LAMA2: variants seen among roughly 807,000 people sequenced by gnomAD.
LAMA2 encodes the protein laminin subunit alpha-2.
In LAMA2, 269 loss-of-function variants were observed where a neutral mutation model predicts 364.8. The observed-to-expected ratio is 0.74, with a 90% CI of 0.67 to 0.82. The LOEUF is 0.82. LAMA2 is among the 40% of genes least tolerant of loss of function. The pLI, the probability that LAMA2 is intolerant of heterozygous loss-of-function variation, is 0.00. For synonymous variants in LAMA2, 1,379 were observed against 1,370.6 expected, an observed-to-expected ratio of 1.01 and a Z score of -0.14; for missense variants, 3,807 against 3,873.2, an observed-to-expected ratio of 0.98 and a Z score of 0.45.
chr6:129,063,124 G>A lies in LAMA2; in HGVS notation c.396+3228G>A, dbSNP rs191625713. On this transcript the variant is annotated intron_variant, in intron 3 of 64. Transcript: ENST00000421865. The stretch of plus-strand genomic sequence containing the variant: ...CTGTGCCTCAACTTCTAGATTAGCA[G>A]ACTAAATATTACAATATCTTGGCAA... Among the ~76,000 whole-genome samples the A allele has an allele frequency of 3.3e-5, 5 of 152,054 alleles. No individual in the cohort carries two copies. The East Asian group carries it at 9.7e-4, about 29-fold the overall frequency.
intron 3 of LAMA2, among the ~76,000 whole-genome samples, chr6:129,066,918 C>A (rs918891446): frequency 6.6e-6 from 1 of 152,142 alleles, no homozygotes; most frequent in Non-Finnish European, 1.5e-5. Context: ...TATAAAAAAT[C>A]CATTCAAATT....
At chr6:129,441,609 A>G (rs767048826) in intron 43 of LAMA2, among the ~76,000 whole-genome samples, 4 of 152,134 alleles carry the variant, frequency 2.6e-5, no homozygotes, top group Admixed American at 2.0e-4. Context: ...AAAATATCAT[A>G]ACTTATATTA....
chr6:129,409,533 G>A (rs4406257), intron 40 of LAMA2, among the ~76,000 whole-genome samples: 76,261 of 152,030 alleles, frequency 0.5, 19,626 homozygotes, highest in African/African-American at 0.62. Flanking sequence ...ATGAAAGGCA[G>A]TTTAGGTTGC....
At chr6:128,955,886 T>C (rs1180979692) in intron 1 of LAMA2, among the ~76,000 whole-genome samples, 1 of 151,926 alleles carries the variant, frequency 6.6e-6, no homozygotes, top group Non-Finnish European at 1.5e-5. Context: ...GGGGTGTAGG[T>C]AGGGTGGTTG....
At chr6:129,076,503 A>ATATCTTATATATATTATATATATATAT (rs1554212305) in intron 3 of LAMA2, among the ~76,000 whole-genome samples, 2 of 130,414 alleles carry the variant, frequency 1.5e-5, no homozygotes, top group Non-Finnish European at 3.1e-5. Context: ...ATATATAAAT[A>ATATCTTATATATATTATATATATATAT]TATATATATA....
At chr6:129,158,555 G>T (rs1263171528) in intron 8 of LAMA2, 2 of 1,613,938 alleles carry the variant, frequency 1.2e-6, no homozygotes, top group African/African-American at 1.3e-5. Flanking sequence ...AATCACGATT[G>T]TAACGACGTC....
chr6:129,236,012 A>G (rs1252168719), intron 12 of LAMA2, among the ~76,000 whole-genome samples: 1 of 152,204 alleles, frequency 6.6e-6, no homozygotes, highest in African/African-American at 2.4e-5. Context: ...ATTAAGCAAG[A>G]AATCTTGAAC....
chr6:129,288,317 G>C (rs1252224781), intron 19 of LAMA2, among the ~76,000 whole-genome samples: 1 of 152,110 alleles, frequency 6.6e-6, no homozygotes. Flanking sequence ...CATGCGGAAG[G>C]AAGATTTTTT....
intron 12 of LAMA2, among the ~76,000 whole-genome samples, chr6:129,238,912 T>A (rs1452985888): frequency 1.3e-5 from 2 of 152,150 alleles, no homozygotes; most frequent in African/African-American, 4.8e-5. Flanking sequence ...TTTTGTATTA[T>A]CTGTAGCTTG....
intron 1 of LAMA2, among the ~76,000 whole-genome samples, chr6:128,913,136 G>T (rs2114463743): frequency 6.6e-6 from 1 of 152,296 alleles, no homozygotes; most frequent in South Asian, 2.1e-4. Context: ...AAGTGAAGAT[G>T]GGGTCTGCTA....
At chr6:129,331,638 CCTT>C (rs1240990829) in intron 29 of LAMA2, among the ~76,000 whole-genome samples, 18 of 152,022 alleles carry the variant, frequency 1.2e-4, no homozygotes, top group African/African-American at 3.6e-4. Flanking sequence ...AATCTCTCCT[CCTT>C]CTTATATTGT....
chr6:129,091,461 T>G (rs1401022153), intron 3 of LAMA2, among the ~76,000 whole-genome samples: 1 of 152,158 alleles, frequency 6.6e-6, no homozygotes, highest in Admixed American at 6.5e-5. Context: ...CTTTTTCTCT[T>G]ATAATACAGG....
intron 1 of LAMA2, among the ~76,000 whole-genome samples, chr6:128,987,298 C>T (rs1281450375): frequency 6.6e-6 from 1 of 151,788 alleles, no homozygotes; most frequent in Non-Finnish European, 1.5e-5. Flanking sequence ...TGCCCCACAC[C>T]TGGCTTTTCT....
At position 129,012,974 on chromosome 6, in the gene LAMA2, A is replaced by G. The variant is rs534454019; in HGVS notation, c.113-36944A>G. Among the ~76,000 whole-genome samples, 3 of 152,236 alleles carry G rather than the reference A, an allele frequency of 2.0e-5. No individual in the cohort carries two copies. The South Asian group carries it at 6.2e-4, about 32-fold the overall frequency. ...TTCCTCAATGAGCAGCTGAATTTCC[A>G]CCTGTTCTTGACGTATTACCTATCA... On this transcript the variant is annotated intron_variant, in intron 1 of 64. Coordinates refer to ENST00000421865, the MANE Select transcript of LAMA2 (RefSeq NM_000426.4).
At chr6:129,143,874 T>C in intron 4 of LAMA2, 27 bp from the exon 5 acceptor site, 1 of 1,502,398 alleles carries the variant, frequency 6.7e-7, no homozygotes, top group Non-Finnish European at 9.2e-7. Context: ...AAAACATAAT[T>C]GTTAAATTAT....
In LAMA2 at chr6:129,315,810, C is replaced by T. The variant is rs1774562693; in HGVS notation, c.3784C>T (p.Arg1262Trp). The T allele has an allele frequency of 2.5e-6, 4 of 1,614,038 alleles. No individual in the cohort carries two copies. Among genetic ancestry groups the T allele is most frequent in the Non-Finnish European group, 3.4e-6 (4 of 1,180,004 alleles). The change falls in exon 26 of 65, where the codon CGG (arginine) becomes TGG (tryptophan). Residue 1262 changes from arginine to tryptophan, a missense_variant. Arg to Trp is a moderately radical substitution (Grantham distance 101). Around this residue, in one of 3 missense-constraint regions of LAMA2, gnomAD observed 3,333 missense variants for 3,345.7 expected, o/e 1.00. Transcript: ENST00000421865. Reference sequence around the variant, plus strand: ...CAAGTATGCAATCTATTTCGAGGCTCGGGAAGAAACAGGTTTCTCTACATA... The same window carrying T: ...CAAGTATGCAATCTATTTCGAGGCTTGGGAAGAAACAGGTTTCTCTACATA... ...KLKYAIYFEA[R>W]EETGFSTYNP... is the part of the protein sequence containing the mutation.
At chr6:129,334,381 A>G (rs1326793344) in intron 29 of LAMA2, among the ~76,000 whole-genome samples, 2 of 152,190 alleles carry the variant, frequency 1.3e-5, no homozygotes, top group Non-Finnish European at 2.9e-5. Flanking sequence ...GTGGCTACTC[A>G]CAGAGTTTTT....
At chr6:129,221,651 A>T (rs1286467599) in intron 12 of LAMA2, among the ~76,000 whole-genome samples, 5 of 151,912 alleles carry the variant, frequency 3.3e-5, no homozygotes, top group Non-Finnish European at 5.9e-5. Flanking sequence ...TTTCTTATAT[A>T]GTGCTAATAT....
intron 5 of LAMA2, among the ~76,000 whole-genome samples, chr6:129,145,583 C>A (rs771301230): frequency 2.0e-5 from 3 of 151,802 alleles, no homozygotes; most frequent in Non-Finnish European, 2.9e-5. Context: ...GAAAAAAAAT[C>A]AATGAAAATA....
Sources: allele counts gnomAD v4.1 joint callset (sites outside exome capture counted in the v4.1 genomes callset), GRCh38; gene constraint gnomAD v4.1.1; regional missense constraint gnomAD v4.1.1; transcripts MANE v1.5; gene names NCBI Gene and HGNC (gene_info 2026-07-23, HGNC 2026-07-21).